CFAP61: variants seen among roughly 807,000 people sequenced by gnomAD.
CFAP61 encodes the protein cilia- and flagella-associated protein 61.
CFAP61 carries 107 observed loss-of-function variants against 135.6 expected under a neutral mutation model. The observed-to-expected ratio is 0.79, with a 90% CI of 0.67 to 0.93. The LOEUF is 0.93. Among genes scored for constraint, CFAP61 ranks in the 40% least tolerant of loss-of-function variants. CFAP61 has a pLI of 0.00. For synonymous variants in CFAP61, 575 were observed against 578.5 expected (o/e 0.99, Z 0.09); for missense variants, 1,507 against 1,556.2 (o/e 0.97, Z 0.53).
chr20:20,254,988 C>T (rs531921564), intron 20 of CFAP61, among the ~76,000 whole-genome samples: 4 of 152,246 alleles, frequency 2.6e-5, no homozygotes, highest in Non-Finnish European at 4.4e-5. Context: ...CCAGAGGCAA[C>T]CAGTTTGAAG....
intron 25 of CFAP61, among the ~76,000 whole-genome samples, chr20:20,314,326 G>T (rs182305641): frequency 4.7e-5 from 7 of 150,212 alleles, no homozygotes; most frequent in Admixed American, 2.7e-4. Flanking sequence ...GGAGGCAGAG[G>T]CTGCATTGAG....
At chr20:20,345,694 G>A (rs2058603294) in intron 26 of CFAP61, among the ~76,000 whole-genome samples, 1 of 152,018 alleles carries the variant, frequency 6.6e-6, no homozygotes, top group African/African-American at 2.4e-5. Flanking sequence ...GACAAGGCAG[G>A]CAGATCACCT....
chr20:20,141,264 A>G (rs1282027904), intron 8 of CFAP61, among the ~76,000 whole-genome samples: 3 of 152,148 alleles, frequency 2.0e-5, no homozygotes, highest in Non-Finnish European at 4.4e-5. Context: ...AGGAACAGAC[A>G]TATGTAGAAA....
intron 24 of CFAP61, 71 bp from the exon 25 acceptor site, chr20:20,298,110 T>C (rs960277081): frequency 1.3e-5 from 13 of 986,214 alleles, no homozygotes; most frequent in Non-Finnish European, 2.1e-5. Flanking sequence ...AAAAATAAAT[T>C]GCTATGATAA....
At chr20:20,279,397 A>G (rs755739925) in intron 22 of CFAP61, among the ~76,000 whole-genome samples, 1 of 152,238 alleles carries the variant, frequency 6.6e-6, no homozygotes, top group South Asian at 2.1e-4. Flanking sequence ...TGTATTTTAT[A>G]TGTATTGTAT....
intron 20 of CFAP61, among the ~76,000 whole-genome samples, chr20:20,261,719 G>A (rs1338435280): frequency 2.6e-5 from 4 of 151,884 alleles, no homozygotes; most frequent in African/African-American, 7.3e-5. Flanking sequence ...GCATTTCTTG[G>A]GAAGTCAGAT....
Position 20,186,239 on chromosome 20 carries a change from A to G in CFAP61, c.1386-1691A>G, listed in dbSNP as rs1367637864. On this transcript the variant is annotated intron_variant, in intron 13 of 26. Coordinates refer to ENST00000245957, the MANE Select transcript of CFAP61 (RefSeq NM_015585.4). ...ACTTTCTATCATTGTAAATTTGCCT[A>G]TTCTGGACATTTCATATAAATGGAA... Among the ~76,000 whole-genome samples the G allele has an allele frequency of 2.6e-5, 4 of 152,184 alleles. No individual in the cohort carries two copies. In the South Asian group the frequency reaches 8.3e-4, roughly 32 times the overall value.
intron 11 of CFAP61, among the ~76,000 whole-genome samples, chr20:20,165,308 C>G (rs957304036): frequency 1.3e-5 from 2 of 152,200 alleles, no homozygotes; most frequent in African/African-American, 4.8e-5. Context: ...CAAGCCCATG[C>G]CACAAGGAGA....
intron 6 of CFAP61, among the ~76,000 whole-genome samples, chr20:20,085,759 AT>A (rs2046757918): frequency 6.6e-6 from 1 of 152,238 alleles, no homozygotes; most frequent in African/African-American, 2.4e-5. Flanking sequence ...ATTATTTAAA[AT>A]GTCTGTTAAT....
At chr20:20,256,230 C>G (rs2051553574) in intron 20 of CFAP61, among the ~76,000 whole-genome samples, 1 of 152,148 alleles carries the variant, frequency 6.6e-6, no homozygotes, top group African/African-American at 2.4e-5. Flanking sequence ...CCAACAAAAT[C>G]ATGGAAAGTT....
intron 14 of CFAP61, among the ~76,000 whole-genome samples, chr20:20,189,782 T>C (rs2055785323): frequency 6.6e-6 from 1 of 152,176 alleles, no homozygotes; most frequent in Admixed American, 6.5e-5. Flanking sequence ...TGTTTATTTT[T>C]TTATTTTTAT....
At chr20:20,205,908 A>C (rs571240413) in intron 17 of CFAP61, among the ~76,000 whole-genome samples, 1 of 151,976 alleles carries the variant, frequency 6.6e-6, no homozygotes, top group Admixed American at 6.6e-5. Context: ...TACATTATAC[A>C]TTTCCCAAGA....
At chr20:20,112,793 C>T (rs1276510345) in intron 8 of CFAP61, among the ~76,000 whole-genome samples, 3 of 152,198 alleles carry the variant, frequency 2.0e-5, no homozygotes, top group Admixed American at 2.0e-4. Flanking sequence ...AGCCATGCAT[C>T]TTCCACTCAG....
At chr20:20,184,914 G>A (rs181901074) in intron 13 of CFAP61, among the ~76,000 whole-genome samples, 2 of 152,292 alleles carry the variant, frequency 1.3e-5, no homozygotes, top group East Asian at 1.9e-4. Flanking sequence ...ATAGTGGCCT[G>A]TGCAGCAGAG....
chr20:20,320,997 A>G (rs1244290266), intron 25 of CFAP61, among the ~76,000 whole-genome samples: 1 of 151,804 alleles, frequency 6.6e-6, no homozygotes, highest in African/African-American at 2.4e-5. Flanking sequence ...GAAAAAAATT[A>G]TACTAGATAC....
chr20:20,246,365 G>A, intron 19 of CFAP61, 150 bp downstream of exon 19: 2 of 665,740 alleles, frequency 3.0e-6, no homozygotes, highest in South Asian at 3.4e-5. Flanking sequence ...GGAGATACAA[G>A]TACCAGTGTG....
intron 19 of CFAP61, among the ~76,000 whole-genome samples, chr20:20,249,479 C>G (rs2424297): frequency 0.12 from 18,297 of 152,192 alleles, 1,465 homozygotes; most frequent in Middle Eastern, 0.23. Flanking sequence ...GTCAAGGCTA[C>G]AGTGAGCCAT....
chr20:20,318,941 C>A (rs2057291584), intron 25 of CFAP61, among the ~76,000 whole-genome samples: 1 of 152,224 alleles, frequency 6.6e-6, no homozygotes, highest in Non-Finnish European at 1.5e-5. Context: ...AAATCCTCCA[C>A]CACAGTTCAT....
intron 26 of CFAP61, among the ~76,000 whole-genome samples, chr20:20,355,975 C>A (rs1434068406): frequency 6.3e-5 from 1 of 16,000 alleles, no homozygotes; most frequent in Non-Finnish European, 5.4e-4. Flanking sequence ...GGTGATCACA[C>A]TGTGAGGGGA....
Sources: gnomAD v4.1 joint callset for allele counts (sites outside exome capture counted in the v4.1 genomes callset) on GRCh38, gnomAD v4.1.1 for gene constraint, MANE v1.5 for transcripts, NCBI Gene and HGNC (gene_info 2026-07-23, HGNC 2026-07-21) for gene names.